Variants in HEATR6 observed in about 807,000 individuals in gnomAD.
HEATR6 encodes the protein HEAT repeat containing 6.
In HEATR6, 106 loss-of-function variants were observed where a neutral mutation model predicts 132.8. The ratio of observed to expected loss-of-function variants is 0.80; its 90% CI spans 0.68 to 0.94. HEATR6 has a LOEUF of 0.94. Ranked by LOEUF, HEATR6 falls within the 40% of genes least tolerant of loss-of-function variation. The probability of loss-of-function intolerance (pLI) is 0.00; values close to 1 mark genes in which losing one functional copy is unlikely to be tolerated. For missense variants in HEATR6, 1,339 were observed against 1,425.1 expected, an observed-to-expected ratio of 0.94 and a Z score of 0.97; for synonymous variants, 529 against 537.8, an observed-to-expected ratio of 0.98 and a Z score of 0.23.
intron 6 of HEATR6, 42 bp from the exon 7 acceptor site, chr17:60,069,890 A>G: frequency 1.3e-6 from 2 of 1,597,120 alleles, no homozygotes; most frequent in Non-Finnish European, 1.7e-6. Flanking sequence ...ACACGAAACC[A>G]AAAAAACCAT....
At position 60,078,738 on chromosome 17, in the gene HEATR6, G is replaced by A. The variant is rs1351581009; in HGVS notation, c.177C>T (p.Leu59=). The A allele has an allele frequency of 6.4e-7, 1 of 1,557,132 alleles. No individual in the cohort carries two copies. The highest frequency in any genetic ancestry group is 1.2e-5 in the South Asian group (1 of 84,422). ...RTEIHLLFDQ[L]ISENYSEGSG... ...TGCCCTCGCTGTAGTTCTCGGAGATGAGCTGATCGAAGAGCAGGTGGATCT... is the reference window on the plus strand; with the variant it reads ...TGCCCTCGCTGTAGTTCTCGGAGATAAGCTGATCGAAGAGCAGGTGGATCT... Residue 59 remains leucine, a synonymous_variant, in exon 1 of 20, where the codon CTC becomes CTT. Coordinates refer to ENST00000184956, the MANE Select transcript of HEATR6 (RefSeq NM_022070.5).
intron 9 of HEATR6, chr17:60,064,787 C>A (rs897581881): frequency 6.6e-6 from 1 of 152,148 alleles, no homozygotes; most frequent in Non-Finnish European, 1.5e-5. Flanking sequence ...TCTCATGGCA[C>A]TTTAAGTGAA....
chr17:60,072,161 A>G (rs1473486094), intron 5 of HEATR6, 54 bp downstream of exon 5: 1 of 832,902 alleles, frequency 1.2e-6, no homozygotes, highest in African/African-American at 1.7e-5. Flanking sequence ...CACTTTTCCA[A>G]TCTGCTTCTA....
At chr17:60,050,083 C>T (rs1173905747) in intron 15 of HEATR6, among the ~76,000 whole-genome samples, 1 of 152,170 alleles carries the variant, frequency 6.6e-6, no homozygotes, top group African/African-American at 2.4e-5. Context: ...ATGTTGAAAT[C>T]TTCACTCCCA....
intron 14 of HEATR6, among the ~76,000 whole-genome samples, chr17:60,054,318 T>C (rs1248038934): frequency 1.3e-5 from 2 of 152,230 alleles, no homozygotes; most frequent in Non-Finnish European, 2.9e-5. Context: ...GAGGATTCCC[T>C]AAGCCTGGGT....
chr17:60,076,876 T>C (rs1455892699), intron 1 of HEATR6, among the ~76,000 whole-genome samples: 1 of 151,074 alleles, frequency 6.6e-6, no homozygotes, highest in Non-Finnish European at 1.5e-5. Context: ...GTGAACCAGA[T>C]TTTCAATGCC....
intron 14 of HEATR6, among the ~76,000 whole-genome samples, chr17:60,052,841 G>A (rs1237337241): frequency 6.6e-6 from 1 of 152,158 alleles, no homozygotes. Context: ...AATCGTGGAG[G>A]GGCTGGTGAG....
At chr17:60,074,781 G>A (rs2083288654) in intron 2 of HEATR6, among the ~76,000 whole-genome samples, 2 of 152,228 alleles carry the variant, frequency 1.3e-5, no homozygotes, top group African/African-American at 2.4e-5. Flanking sequence ...TTGGAGAGGT[G>A]CTACTGGCGT....
At chr17:60,067,384 T>A (rs186841018) in intron 8 of HEATR6, 50 bp downstream of exon 8, 2 of 1,341,968 alleles carry the variant, frequency 1.5e-6, no homozygotes, top group Non-Finnish European at 2.0e-6. Context: ...GTTATAAACT[T>A]ACATGCAACT....
intron 7 of HEATR6, among the ~76,000 whole-genome samples, 179 bp from the exon 8 acceptor site, chr17:60,067,911 G>T (rs375891307): frequency 7.9e-5 from 12 of 152,246 alleles, no homozygotes; most frequent in Non-Finnish European, 1.3e-4. Flanking sequence ...CAGGCATGAT[G>T]CTAAGTGCTT....
intron 11 of HEATR6, among the ~76,000 whole-genome samples, chr17:60,059,127 A>G (rs1326141220): frequency 6.6e-6 from 1 of 152,160 alleles, no homozygotes; most frequent in Non-Finnish European, 1.5e-5. Flanking sequence ...CATACTCCTC[A>G]GGGGGGCTGC....
rs777232341 is a variant in HEATR6 at position 60,060,107 on chromosome 17, G to A, written c.1417-11C>T. The A allele has an allele frequency of 1.9e-5, 31 of 1,604,858 alleles. No homozygotes were observed. Among genetic ancestry groups the A allele is most frequent in the Non-Finnish European group, 2.0e-5 (23 of 1,172,188 alleles). ...AGCACAGGCACGTGTCTGAAATTTC[G>A]GGATGATTCACATTGATTAGTTGAA... On this transcript the variant is annotated splice_polypyrimidine_tract_variant and intron_variant, in intron 9 of 19. Coordinates refer to ENST00000184956, the MANE Select transcript of HEATR6 (RefSeq NM_022070.5).
rs1221981791 is a variant in HEATR6 at position 60,042,250 on chromosome 17, T to C, written c.*1313A>G. On this transcript the variant is annotated 3_prime_UTR_variant, in exon 20 of 20. Transcript: ENST00000184956. ...CTGCTTGCTGGGAGTTAACTCTGGT[T>C]ATTGGATTGTGGGGAGGTGTGGCAG... 6.6e-6 allele frequency among the ~76,000 whole-genome samples: 1 copy of C among 152,218 alleles called. No homozygotes were observed. The highest frequency in any genetic ancestry group is 1.5e-5 in the Non-Finnish European group (1 of 68,044).
chr17:60,073,742 C>T lies in HEATR6; in HGVS notation c.468+4G>A, dbSNP rs1335331103. 1 of 1,613,332 alleles carries T rather than the reference C, an allele frequency of 6.2e-7. No homozygotes were observed. Among genetic ancestry groups the T allele is most frequent in the South Asian group, 1.1e-5 (1 of 90,926 alleles). ...CAAAGGAAGGATAAAGCACTTTAAA[C>T]TACCTTTTGACATTTGGAGCCATTG... On this transcript the variant is annotated splice_donor_region_variant and intron_variant, in intron 3 of 19. Coordinates refer to ENST00000184956, the MANE Select transcript of HEATR6 (RefSeq NM_022070.5).
chr17:60,053,095 T>C (rs1555667870), intron 14 of HEATR6, among the ~76,000 whole-genome samples: 1 of 152,184 alleles, frequency 6.6e-6, no homozygotes, highest in Non-Finnish European at 1.5e-5. Context: ...GGAAGGTTTT[T>C]GGGTGATGCA....
intron 9 of HEATR6, among the ~76,000 whole-genome samples, chr17:60,062,173 G>T (rs2083215743): frequency 6.6e-6 from 1 of 152,134 alleles, no homozygotes; most frequent in Non-Finnish European, 1.5e-5. Context: ...TTAAGATACT[G>T]AATCTGGTAC....
At chr17:60,044,197 G>A in intron 19 of HEATR6, 63 bp from the exon 20 acceptor site, 1 of 1,297,904 alleles carries the variant, frequency 7.7e-7, no homozygotes, top group South Asian at 1.4e-5. Flanking sequence ...GTGAGAGGGA[G>A]AGGGGTGGAA....
rs779789712 is a variant in HEATR6, at chr17:60,046,140, A to G, written c.2859T>C (p.Ile953=). Residue 953 remains isoleucine, a synonymous_variant, in exon 19 of 20, where the codon ATT becomes ATC. Transcript: ENST00000184956. ...HIEKPTFAEI[I]EESIQALIST... ...AAATTAGGGCCTGGATAGACTCCTC[A>G]ATGATTTCTGCAAATGTGGGTTTTT... 1 of 1,613,936 alleles carries G rather than the reference A, an allele frequency of 6.2e-7. No individual in the cohort carries two copies. The highest frequency in any genetic ancestry group is 1.1e-5 in the South Asian group (1 of 91,078).
At position 60,043,566 on chromosome 17, in the gene HEATR6, C is replaced by A; in HGVS notation, c.3543G>T (p.Gln1181His). 1 of 1,606,770 alleles carries A rather than the reference C, an allele frequency of 6.2e-7. No homozygotes were observed. The highest frequency in any genetic ancestry group is 2.2e-5 in the East Asian group (1 of 44,692). Residue 1181 changes from glutamine to histidine, a missense_variant, in exon 20 of 20, where the codon CAG becomes CAT. Transcript: ENST00000184956. ...SQGALPGLTNQ is the reference protein window; with the variant it reads ...SQGALPGLTNH ...TCTAGAAAGTATGGTGGGATCTTCA[C>A]TGATTTGTTAACCCTGGGAGTGCCC...
Sources: gnomAD v4.1 joint callset for allele counts (sites outside exome capture counted in the v4.1 genomes callset) on GRCh38, gnomAD v4.1.1 for gene constraint, MANE v1.5 for transcripts, NCBI Gene and HGNC (gene_info 2026-07-23, HGNC 2026-07-21) for gene names.